Variants in PPP2R5E observed in about 807,000 individuals in gnomAD.
PPP2R5E encodes protein phosphatase 2 regulatory subunit B'epsilon.
PPP2R5E carries 4 observed loss-of-function variants against 65.3 expected under a neutral mutation model. The observed-to-expected ratio is 0.06, with a 90% CI of 0.03 to 0.14. The LOEUF (loss-of-function observed/expected upper bound fraction) is 0.14. PPP2R5E is among the 10% of genes least tolerant of loss of function. The pLI is 1.00. For missense variants in PPP2R5E, 274 were observed against 556.1 expected, an observed-to-expected ratio of 0.49 and a Z score of 5.10; for synonymous variants, 183 against 187.4, an observed-to-expected ratio of 0.98 and a Z score of 0.19.
chr14:63,521,032 C>G (rs1892887668), intron 2 of PPP2R5E, among the ~76,000 whole-genome samples: 1 of 151,800 alleles, frequency 6.6e-6, no homozygotes, highest in African/African-American at 2.4e-5. Context: ...GAGTGAGACT[C>G]TGTCTCAAAA....
At chr14:63,530,142 G>A (rs1265738612) in intron 2 of PPP2R5E, among the ~76,000 whole-genome samples, 3 of 151,644 alleles carry the variant, frequency 2.0e-5, no homozygotes, top group African/African-American at 7.3e-5. Context: ...TATAATTTTA[G>A]GAGGGTCTAG....
intron 3 of PPP2R5E, among the ~76,000 whole-genome samples, chr14:63,429,853 T>G (rs1887535964): frequency 6.6e-6 from 1 of 152,128 alleles, no homozygotes; most frequent in Non-Finnish European, 1.5e-5. Context: ...CAGCTAATTT[T>G]TTGTATTTTT....
chr14:63,403,109 T>C (rs1231504968), intron 5 of PPP2R5E, among the ~76,000 whole-genome samples: 1 of 152,166 alleles, frequency 6.6e-6, no homozygotes, highest in Non-Finnish European at 1.5e-5. Context: ...GTTCCAAATT[T>C]ACACTTAGCC....
intron 2 of PPP2R5E, among the ~76,000 whole-genome samples, chr14:63,460,493 T>C (rs1229891428): frequency 2.6e-5 from 4 of 152,238 alleles, no homozygotes; most frequent in Admixed American, 1.3e-4. Flanking sequence ...GTTATTTGTT[T>C]AAGAGAAGTT....
chr14:63,505,100 C>T (rs1232312854), intron 2 of PPP2R5E, among the ~76,000 whole-genome samples: 1 of 152,116 alleles, frequency 6.6e-6, no homozygotes, highest in Non-Finnish European at 1.5e-5. Context: ...TTTGGGAGGC[C>T]GAGACAGGCG....
chr14:63,409,855 C>T (rs1405320303), intron 5 of PPP2R5E, among the ~76,000 whole-genome samples: 2 of 152,200 alleles, frequency 1.3e-5, no homozygotes, highest in Non-Finnish European at 2.9e-5. Flanking sequence ...CAGGCTTGGA[C>T]AACAGGTATA....
chr14:63,444,494 T>C (rs893427968), intron 3 of PPP2R5E, among the ~76,000 whole-genome samples: 1 of 152,120 alleles, frequency 6.6e-6, no homozygotes, highest in African/African-American at 2.4e-5. Flanking sequence ...TAGCAAAATG[T>C]AAAAGTGTAA....
At chr14:63,376,425 C>T (rs1338024667) in intron 13 of PPP2R5E, among the ~76,000 whole-genome samples, 2 of 151,048 alleles carry the variant, frequency 1.3e-5, no homozygotes, top group African/African-American at 4.9e-5. Flanking sequence ...ATATCTGCTC[C>T]TTTATTCCTA....
In PPP2R5E at chr14:63,508,537, G is replaced by A. The variant is rs538420028; in HGVS notation, c.157+30992C>T. Among the ~76,000 whole-genome samples the A allele has an allele frequency of 5.9e-4, 90 of 152,252 alleles. 1 individual carries two copies. The highest frequency in any genetic ancestry group is 1.8e-3 in the African/African-American group (73 of 41,558). Reference sequence around the variant, plus strand: ...TTGAATCCTTACAACTCTAAGGTATGAGCCCTCTCAATATTCCCCTTTTTA... The same window carrying A: ...TTGAATCCTTACAACTCTAAGGTATAAGCCCTCTCAATATTCCCCTTTTTA... On this transcript the variant is annotated intron_variant, in intron 2 of 13. Transcript: ENST00000337537.
intron 2 of PPP2R5E, among the ~76,000 whole-genome samples, chr14:63,523,459 T>C (rs1443263658): frequency 6.6e-6 from 1 of 152,108 alleles, no homozygotes; most frequent in Non-Finnish European, 1.5e-5. Flanking sequence ...CAAGGTTAAA[T>C]GGATTAAGGG....
intron 2 of PPP2R5E, among the ~76,000 whole-genome samples, chr14:63,468,679 T>C (rs1260639363): frequency 7.2e-6 from 1 of 138,712 alleles, no homozygotes; most frequent in Non-Finnish European, 1.5e-5. Context: ...TTATGCAAAA[T>C]GTGCAAAGGA....
intron 2 of PPP2R5E, among the ~76,000 whole-genome samples, chr14:63,482,815 T>C (rs1374673434): frequency 6.6e-6 from 1 of 152,230 alleles, no homozygotes; most frequent in Admixed American, 6.5e-5. Flanking sequence ...CAGTTTAATT[T>C]ACCCAAGGCC....
In PPP2R5E at chr14:63,541,325, G is replaced by A. The variant is rs149799733; in HGVS notation, c.-8+1454C>T. Among the ~76,000 whole-genome samples the A allele has an allele frequency of 3.8e-3, 578 of 152,302 alleles. 7 individuals are homozygous for A. The highest frequency in any genetic ancestry group is 0.013 in the African/African-American group (551 of 41,578). On this transcript the variant is annotated intron_variant, in intron 1 of 13. Transcript: ENST00000337537. ...GTTGAACTGAAAACATAAATTCACA[G>A]CCTACTGAAACAACCAAGTTGAGTT...
At chr14:63,422,883 A>G (rs1192565560) in intron 3 of PPP2R5E, among the ~76,000 whole-genome samples, 2 of 152,148 alleles carry the variant, frequency 1.3e-5, no homozygotes, top group African/African-American at 4.8e-5. Flanking sequence ...ATCTGTCCTC[A>G]ACAAGTTGGT....
At chr14:63,507,965 G>A (rs1422775616) in intron 2 of PPP2R5E, among the ~76,000 whole-genome samples, 1 of 152,154 alleles carries the variant, frequency 6.6e-6, no homozygotes, top group Non-Finnish European at 1.5e-5. Flanking sequence ...TAAACCCACA[G>A]AACTCTTTTC....
chr14:63,436,179 G>A (rs918525157), intron 3 of PPP2R5E, among the ~76,000 whole-genome samples: 2 of 152,210 alleles, frequency 1.3e-5, no homozygotes, highest in Non-Finnish European at 2.9e-5. Flanking sequence ...AAAAGCCACA[G>A]TGCACAAGTT....
At chr14:63,524,853 T>C (rs1893113110) in intron 2 of PPP2R5E, among the ~76,000 whole-genome samples, 1 of 152,228 alleles carries the variant, frequency 6.6e-6, no homozygotes, top group South Asian at 2.1e-4. Context: ...TCTGCTTTGC[T>C]TTCTCACCAC....
At chr14:63,497,061 A>G (rs189963990) in intron 2 of PPP2R5E, among the ~76,000 whole-genome samples, 1 of 152,222 alleles carries the variant, frequency 6.6e-6, no homozygotes, top group East Asian at 1.9e-4. Flanking sequence ...TTTAAATGGA[A>G]CATTCTAAAT....
At chr14:63,445,702 C>T (rs911378645) in intron 3 of PPP2R5E, among the ~76,000 whole-genome samples, 1 of 151,974 alleles carries the variant, frequency 6.6e-6, no homozygotes, top group Admixed American at 6.6e-5. Context: ...ATTAGCTAAG[C>T]GTGGTGGTGA....
Sources: allele counts gnomAD v4.1 joint callset (sites outside exome capture counted in the v4.1 genomes callset), GRCh38; gene constraint gnomAD v4.1.1; transcripts MANE v1.5; gene names NCBI Gene and HGNC (gene_info 2026-07-23, HGNC 2026-07-21).